The following NRG3 variants were observed in gnomAD, a reference collection of about 807,000 sequenced individuals.
NRG3 encodes the protein pro-neuregulin-3, membrane-bound isoform.
NRG3 carries 31 observed loss-of-function variants against 66.9 expected under a neutral mutation model. The observed-to-expected ratio is 0.46, with a 90% CI of 0.35 to 0.63. NRG3 has a LOEUF of 0.63. NRG3 is among the 20% of genes least tolerant of loss of function. NRG3 has a pLI of 0.00. For missense variants in NRG3, 910 were observed against 878.9 expected, an observed-to-expected ratio of 1.04 and a Z score of -0.45; for synonymous variants, 393 against 359.4, an observed-to-expected ratio of 1.09 and a Z score of -1.06.
At chr10:82,044,916 A>G (rs1250379492) in intron 1 of NRG3, among the ~76,000 whole-genome samples, 11 of 151,792 alleles carry the variant, frequency 7.2e-5, no homozygotes, top group Admixed American at 6.6e-4. Context: ...TTATGGCTGC[A>G]TAATATTCCA....
intron 5 of NRG3, among the ~76,000 whole-genome samples, chr10:82,958,313 G>C (rs1258786917): frequency 3.3e-5 from 5 of 152,116 alleles, no homozygotes; most frequent in Non-Finnish European, 5.9e-5. Context: ...TAGCATTATG[G>C]CCTCATCACA....
At chr10:81,894,446 C>T (rs1161320075) in intron 1 of NRG3, among the ~76,000 whole-genome samples, 1 of 152,172 alleles carries the variant, frequency 6.6e-6, no homozygotes, top group Non-Finnish European at 1.5e-5. Flanking sequence ...GGCCTCTCTC[C>T]TTGGCTTGCA....
intron 7 of NRG3, among the ~76,000 whole-genome samples, chr10:82,978,142 T>TG (rs1295100965): frequency 6.6e-6 from 1 of 152,014 alleles, no homozygotes; most frequent in Non-Finnish European, 1.5e-5. Context: ...GTCAATTCAG[T>TG]GGGGTGGAGA....
intron 2 of NRG3, among the ~76,000 whole-genome samples, chr10:82,398,349 G>T (rs1179586216): frequency 2.0e-5 from 3 of 152,134 alleles, no homozygotes; most frequent in Middle Eastern, 3.2e-3. Flanking sequence ...CCCAGGGCTT[G>T]TTTTTCAATA....
intron 2 of NRG3, among the ~76,000 whole-genome samples, chr10:82,575,319 C>T (rs1356025661): frequency 6.6e-6 from 1 of 151,116 alleles, no homozygotes; most frequent in Non-Finnish European, 1.5e-5. Context: ...TGGGGGACAG[C>T]ATAAGAAAAA....
At chr10:82,520,823 A>G (rs1488685317) in intron 2 of NRG3, among the ~76,000 whole-genome samples, 1 of 152,166 alleles carries the variant, frequency 6.6e-6, no homozygotes, top group Non-Finnish European at 1.5e-5. Flanking sequence ...TCCTTTCTGG[A>G]TTCTGAAAAT....
At chr10:82,342,532 TG>T (rs1461793400) in intron 1 of NRG3, among the ~76,000 whole-genome samples, 2 of 152,134 alleles carry the variant, frequency 1.3e-5, no homozygotes, top group Non-Finnish European at 2.9e-5. Context: ...ATGTTGAGAA[TG>T]TTTTTAATAT....
chr10:82,467,086 G>C (rs1032222410), intron 2 of NRG3, among the ~76,000 whole-genome samples: 2 of 150,430 alleles, frequency 1.3e-5, no homozygotes, highest in Non-Finnish European at 2.9e-5. Flanking sequence ...ATTTTTACCT[G>C]TTCCCCAGCA....
intron 2 of NRG3, among the ~76,000 whole-genome samples, chr10:82,602,648 T>C (rs2047707088): frequency 6.6e-6 from 1 of 152,150 alleles, no homozygotes; most frequent in Admixed American, 6.6e-5. Context: ...CTAATATGTT[T>C]TTTTGAGAAT....
At chr10:82,231,309 AT>A (rs112620116) in intron 1 of NRG3, among the ~76,000 whole-genome samples, 6,186 of 152,248 alleles carry the variant, frequency 0.041, 155 homozygotes, top group Admixed American at 0.046. Flanking sequence ...TGATTGTGCC[AT>A]TGCACTCCAG....
chr10:82,085,840 T>C (rs2065689876), intron 1 of NRG3, among the ~76,000 whole-genome samples: 2 of 151,980 alleles, frequency 1.3e-5, no homozygotes, highest in South Asian at 4.1e-4. Flanking sequence ...GGTTTCACCA[T>C]GTTGGCCAGG....
chr10:82,727,722 C>T (rs1206695253), intron 2 of NRG3, among the ~76,000 whole-genome samples: 2 of 152,136 alleles, frequency 1.3e-5, no homozygotes, highest in African/African-American at 4.8e-5. Context: ...GAGAAGAGAG[C>T]CACTGTCCTC....
At chr10:82,047,603 C>G (rs1202681019) in intron 1 of NRG3, among the ~76,000 whole-genome samples, 1 of 151,490 alleles carries the variant, frequency 6.6e-6, no homozygotes, top group Non-Finnish European at 1.5e-5. Flanking sequence ...GAAGGAAGCA[C>G]TAATCATGGA....
rs74144359 is a variant in NRG3 at position 82,856,883 on chromosome 10, G to A, written c.1028-8528G>A. Among the ~76,000 whole-genome samples, 459 of 152,162 alleles carry A rather than the reference G, an allele frequency of 3.0e-3. 2 individuals carry two copies. The highest frequency in any genetic ancestry group is 0.011 in the African/African-American group (445 of 41,498). ...AGACACATGTGAATCTCAAGAGCAG[G>A]AACTCTAGTGTATTCACCTGTACAC... is the stretch of plus-strand genomic sequence containing the variant. On this transcript the variant is annotated intron_variant, in intron 3 of 8. Coordinates refer to ENST00000372141, the MANE Select transcript of NRG3 (RefSeq NM_001010848.4).
chr10:82,192,329 G>T (rs1218526232), intron 1 of NRG3, among the ~76,000 whole-genome samples: 9 of 152,132 alleles, frequency 5.9e-5, no homozygotes, highest in Non-Finnish European at 8.8e-5. Context: ...TATTTCAGTG[G>T]CACTTCACAT....
At chr10:82,955,770 G>A (rs1358926789) in intron 5 of NRG3, among the ~76,000 whole-genome samples, 1 of 152,024 alleles carries the variant, frequency 6.6e-6, no homozygotes, top group Non-Finnish European at 1.5e-5. Context: ...GCACTGCTGC[G>A]TCTTCTTCAG....
At chr10:82,777,237 G>A (rs2059944544) in intron 3 of NRG3, among the ~76,000 whole-genome samples, 1 of 152,138 alleles carries the variant, frequency 6.6e-6, no homozygotes, top group African/African-American at 2.4e-5. Context: ...GTAGGAGTTT[G>A]TGGCAGCGTA....
chr10:82,750,999 C>A (rs1007254690), intron 3 of NRG3, among the ~76,000 whole-genome samples: 7 of 152,082 alleles, frequency 4.6e-5, no homozygotes, highest in Non-Finnish European at 4.4e-5. Flanking sequence ...AAGCAGTCCA[C>A]CGTATATAAC....
intron 1 of NRG3, among the ~76,000 whole-genome samples, chr10:82,190,102 A>G (rs1349550157): frequency 6.6e-6 from 1 of 152,216 alleles, no homozygotes; most frequent in Non-Finnish European, 1.5e-5. Context: ...ATTGCAGGCC[A>G]TGTGTCTTTG....
Sources: allele counts gnomAD v4.1 joint callset (sites outside exome capture counted in the v4.1 genomes callset), GRCh38; gene constraint gnomAD v4.1.1; transcripts MANE v1.5; gene names NCBI Gene and HGNC (gene_info 2026-07-23, HGNC 2026-07-21).